MMP17: variants seen among roughly 807,000 people sequenced by gnomAD.
The protein encoded by MMP17 is matrix metallopeptidase 17.
In MMP17, 54 loss-of-function variants were observed where a neutral mutation model predicts 49.1. The ratio of observed to expected loss-of-function variants is 1.10; its 90% confidence interval spans 0.88 to 1.38. The LOEUF (loss-of-function observed/expected upper bound fraction) is 1.38. Among genes scored for constraint, MMP17 ranks in the 40% most tolerant of loss-of-function variants. The pLI is 0.00. For synonymous variants in MMP17, 397 were observed against 383.1 expected (o/e 1.04, Z -0.42); for missense variants, 837 against 853.7 (o/e 0.98, Z 0.24).
At chr12:131,839,617 G>A (rs1263316629) in intron 3 of MMP17, among the ~76,000 whole-genome samples, 4 of 152,110 alleles carry the variant, frequency 2.6e-5, no homozygotes, top group Non-Finnish European at 4.4e-5. Flanking sequence ...GGGATTACAG[G>A]CACGAGCCAC....
chr12:131,839,025 G>A (rs1021838323), intron 3 of MMP17, among the ~76,000 whole-genome samples: 1 of 152,220 alleles, frequency 6.6e-6, no homozygotes, highest in East Asian at 1.9e-4. Context: ...ACAAACCAGG[G>A]TACTTCAGAC....
intron 1 of MMP17, among the ~76,000 whole-genome samples, chr12:131,829,954 C>T (rs979824273): frequency 6.6e-6 from 1 of 152,256 alleles, no homozygotes; most frequent in African/African-American, 2.4e-5. Flanking sequence ...GGGTGCCCCC[C>T]TCCACCTCCT....
chr12:131,851,516 G>A lies in MMP17; in HGVS notation c.*242G>A. ...GAGCCGAGGGGTGGCCGCTCCAGAA[G>A]GGTGCCCAGTCAGGCCGCACCGCCG... On this transcript the variant is annotated 3_prime_UTR_variant, in exon 10 of 10. Coordinates refer to ENST00000360564, the MANE Select transcript of MMP17 (RefSeq NM_016155.7). 1 of 400,086 alleles carries A rather than the reference G, an allele frequency of 2.5e-6. No homozygotes were observed. Among genetic ancestry groups the A allele is most frequent in the East Asian group, 3.6e-5 (1 of 27,852 alleles). The allele number at this position is 400,086 out of a possible 1,614,324, so 24.8% of individuals were successfully genotyped here.
rs1887200195 is a variant in MMP17 at position 131,838,489 on chromosome 12, G to C, written c.293-123G>C. 4.1e-6 allele frequency: 6 copies of C among 1,460,008 alleles called. No homozygotes were observed. In the South Asian group the frequency reaches 6.9e-5, roughly 17 times the overall value. The allele number at this position is 1,460,008 out of a possible 1,614,324, so 90.4% of individuals were successfully genotyped here. A position where few individuals can be genotyped will look rare whatever the true frequency, so the allele number is the denominator to read the frequency against. ...CTGGGGCTGGTCCCCCAAAGATGAC[G>C]TGGGAGGAGGGGGCGGCTCGGAGGC... is the stretch of plus-strand genomic sequence containing the variant. On this transcript the variant is annotated intron_variant, in intron 2 of 9. Coordinates refer to ENST00000360564, the MANE Select transcript of MMP17 (RefSeq NM_016155.7).
In MMP17 at chr12:131,837,073, C is replaced by T. The variant is rs1042958544; in HGVS notation, c.160-1122C>T. On this transcript the variant is annotated intron_variant, in intron 1 of 9. Transcript: ENST00000360564. ...CCTCATTCCTGCTCCTACTCAGCTC[C>T]GGTGTGGGTAGCCTTGCACCCACCC... Among the ~76,000 whole-genome samples, 3 of 152,218 alleles carry T rather than the reference C, an allele frequency of 2.0e-5. No individual in the cohort carries two copies. The East Asian group carries it at 5.8e-4, about 29-fold the overall frequency.
intron 5 of MMP17, 95 bp downstream of exon 5, chr12:131,841,895 C>T (rs1887436418): frequency 2.2e-6 from 3 of 1,357,908 alleles, no homozygotes; most frequent in South Asian, 1.4e-5. Flanking sequence ...AGGGTTTGCT[C>T]TCCCCGCTGT....
At chr12:131,842,175 C>T (rs1285625898) in intron 5 of MMP17, among the ~76,000 whole-genome samples, 1 of 152,206 alleles carries the variant, frequency 6.6e-6, no homozygotes, top group East Asian at 1.9e-4. Context: ...TGTAGATTGC[C>T]TGGGAAACCC....
chr12:131,837,732 A>T (rs1030336360), intron 1 of MMP17, among the ~76,000 whole-genome samples: 1 of 152,114 alleles, frequency 6.6e-6, no homozygotes, highest in Admixed American at 6.5e-5. Context: ...CATTTTTTAG[A>T]TGGAGTCTTG....
chr12:131,829,301 C>A (rs1472734614), intron 1 of MMP17, among the ~76,000 whole-genome samples: 3 of 152,208 alleles, frequency 2.0e-5, no homozygotes, highest in African/African-American at 7.2e-5. Flanking sequence ...GAGCCTTCCT[C>A]ACTCCACACC....
intron 8 of MMP17, among the ~76,000 whole-genome samples, chr12:131,847,880 CCTCT>C (rs1887789096): frequency 2.0e-5 from 3 of 152,152 alleles, no homozygotes. Context: ...CCCTGCTCCC[CCTCT>C]GTCCCCTGTG....
intron 1 of MMP17, among the ~76,000 whole-genome samples, chr12:131,829,473 G>T (rs895175157): frequency 6.6e-6 from 1 of 151,906 alleles, no homozygotes; most frequent in Non-Finnish European, 1.5e-5. Context: ...CGCTGGGGCG[G>T]CCGGGTGAAC....
At chr12:131,836,421 T>C (rs909790111) in intron 1 of MMP17, among the ~76,000 whole-genome samples, 2 of 151,248 alleles carry the variant, frequency 1.3e-5, no homozygotes, top group Admixed American at 1.3e-4. Context: ...GACCAGAACC[T>C]GGAGGCCCAG....
intron 4 of MMP17, among the ~76,000 whole-genome samples, 189 bp downstream of exon 4, chr12:131,841,045 G>A (rs1242335791): frequency 1.3e-5 from 2 of 152,242 alleles, no homozygotes; most frequent in South Asian, 2.1e-4. Context: ...ACCTCGCTGG[G>A]TGCTGGCCTG....
chr12:131,845,004 C>T lies in MMP17; in HGVS notation c.969-114C>T, dbSNP rs1456630690. On this transcript the variant is annotated intron_variant, in intron 6 of 9. Transcript: ENST00000360564. ...GCAGACCTCTAGGCAAGGATAGGGGCTCCACACAAGGATGCCTGTCCCATG... is the reference window on the plus strand; with the variant it reads ...GCAGACCTCTAGGCAAGGATAGGGGTTCCACACAAGGATGCCTGTCCCATG... 1.7e-5 allele frequency: 18 copies of T among 1,045,828 alleles called. No individual in the cohort carries two copies. In the East Asian group the frequency reaches 4.4e-4, roughly 25 times the overall value. 64.8% of individuals were successfully genotyped at this position (1,045,828 alleles called of 1,614,324 possible). A position where few individuals can be genotyped will look rare whatever the true frequency, so the allele number is the denominator to read the frequency against.
intron 7 of MMP17, 26 bp from the exon 8 acceptor site, chr12:131,845,271 C>T (rs1566091753): frequency 6.2e-7 from 1 of 1,612,390 alleles, no homozygotes; most frequent in East Asian, 2.2e-5. Context: ...GTCTCTGCAG[C>T]CCGGCCCTCC....
chr12:131,830,672 G>A (rs1268792693), intron 1 of MMP17, among the ~76,000 whole-genome samples: 1 of 152,224 alleles, frequency 6.6e-6, no homozygotes, highest in African/African-American at 2.4e-5. Context: ...TCAGGTCTGG[G>A]CGCCAGGGAC....
intron 1 of MMP17, among the ~76,000 whole-genome samples, chr12:131,829,446 T>TG (rs1204224242): frequency 2.0e-5 from 3 of 152,222 alleles, no homozygotes; most frequent in Admixed American, 6.5e-5. Context: ...GCACACGTCG[T>TG]GGGGTCAGCG....
chr12:131,846,950 G>A lies in MMP17; in HGVS notation c.1204+1501G>A, dbSNP rs1055595649. Among the ~76,000 whole-genome samples, 9 of 151,976 alleles carry A rather than the reference G, an allele frequency of 5.9e-5. No homozygotes were observed. Among genetic ancestry groups the A allele is most frequent in the Admixed American group, 1.3e-4 (2 of 15,256 alleles). ...CACCCCCATCACCTGGGAGCCCTCC[G>A]GTGACTGTTCCCGGAGGCCTGATCC... On this transcript the variant is annotated intron_variant, in intron 8 of 9. Coordinates refer to ENST00000360564, the MANE Select transcript of MMP17 (RefSeq NM_016155.7). This position sits in a 1 kb window ranked among gnomAD's most constrained non-coding sequence, Gnocchi z 4.6.
Position 131,846,821 on chromosome 12 carries a change from G to A in MMP17, c.1204+1372G>A, listed in dbSNP as rs566448285. Among the ~76,000 whole-genome samples, 3 of 152,270 alleles carry A rather than the reference G, an allele frequency of 2.0e-5. No homozygotes were observed. Among genetic ancestry groups the A allele is most frequent in the South Asian group, 2.1e-4 (1 of 4,818 alleles). ...GGCAGCCACTCCCACAGTCACGGGC[G>A]GGACCCCGTTTCCTTGCCGAGGTAA... On this transcript the variant is annotated intron_variant, in intron 8 of 9. Coordinates refer to ENST00000360564, the MANE Select transcript of MMP17 (RefSeq NM_016155.7). The surrounding 1 kb of genome is among the most constrained non-coding windows in gnomAD (Gnocchi z 4.6).
Sources: allele counts gnomAD v4.1 joint callset (sites outside exome capture counted in the v4.1 genomes callset), GRCh38; gene constraint gnomAD v4.1.1; non-coding constraint Gnocchi (gnomAD v3.1); transcripts MANE v1.5; gene names NCBI Gene and HGNC (gene_info 2026-07-23, HGNC 2026-07-21).